NTAQ1: variants seen among roughly 807,000 people sequenced by gnomAD.
NTAQ1 encodes the protein protein N-terminal glutamine amidohydrolase.
In NTAQ1, 21 loss-of-function variants were observed where a neutral mutation model predicts 28.2. The ratio of observed to expected loss-of-function variants is 0.74; its 90% CI spans 0.53 to 1.07. The LOEUF (loss-of-function observed/expected upper bound fraction) is 1.07, where lower values mean the gene tolerates loss of function less well. NTAQ1 is among the 50% of genes least tolerant of loss of function. The probability of loss-of-function intolerance (pLI) is 0.00; values close to 1 mark genes in which losing one functional copy is unlikely to be tolerated. For missense variants in NTAQ1, 264 were observed against 256.6 expected (o/e 1.03, Z -0.20); for synonymous variants, 105 against 90.0 (o/e 1.17, Z -0.94).
At chr8:123,439,345 G>GT (rs34111480) in intron 5 of NTAQ1, among the ~76,000 whole-genome samples, 49,420 of 139,130 alleles carry the variant, frequency 0.36, 8,817 homozygotes, top group East Asian at 0.52. Flanking sequence ...CACCTGGCTA[G>GT]TTTTTTTTTT....
In NTAQ1 at chr8:123,416,844, C is replaced by T; in HGVS notation, c.-6C>T. On this transcript the variant is annotated 5_prime_UTR_variant, in exon 1 of 6. Transcript: ENST00000287387. ...CCGGCCCGGGCCCTGGCCCAGCTAG[C>T]CGGCCATGGAAGGTAATGGCCCCGC... 1 of 1,526,464 alleles carries T rather than the reference C, an allele frequency of 6.6e-7. No individual in the cohort carries two copies. Among genetic ancestry groups the T allele is most frequent in the South Asian group, 1.2e-5 (1 of 81,524 alleles). 94.6% of individuals were successfully genotyped at this position (1,526,464 alleles called of 1,614,324 possible).
At chr8:123,471,476 A>G, downstream of NTAQ1, among the ~76,000 whole-genome samples, 1 of 152,146 alleles carries the variant, frequency 6.6e-6, no homozygotes, top group East Asian at 1.9e-4. Flanking sequence ...TCACATGATT[A>G]TGGAGGCTGG....
At chr8:123,443,728 G>T (rs1047536372), downstream of NTAQ1, among the ~76,000 whole-genome samples, 1 of 152,032 alleles carries the variant, frequency 6.6e-6, no homozygotes, top group African/African-American at 2.4e-5. Context: ...GCGTGCCACA[G>T]TGCCCAGCTA....
intron 6 of NTAQ1, among the ~76,000 whole-genome samples, chr8:123,447,263 A>G (rs1160678470): frequency 6.6e-6 from 1 of 152,166 alleles, no homozygotes; most frequent in Non-Finnish European, 1.5e-5. Flanking sequence ...ATGCACATAC[A>G]ACTAAAGAGC....
At chr8:123,449,565 T>G (rs991938759), downstream of NTAQ1, among the ~76,000 whole-genome samples, 4 of 152,238 alleles carry the variant, frequency 2.6e-5, no homozygotes, top group Admixed American at 2.6e-4. Context: ...CAGTGAGTCC[T>G]GCGCTCATGG....
chr8:123,473,030 A>T (rs1563910918), downstream of NTAQ1, among the ~76,000 whole-genome samples: 1 of 152,088 alleles, frequency 6.6e-6, no homozygotes, highest in Non-Finnish European at 1.5e-5. Context: ...GGGTGAGGGG[A>T]TGGGAAGGTG....
chr8:123,469,354 C>A (rs1376301581), exon 7 of NTAQ1, among the ~76,000 whole-genome samples: 1 of 152,156 alleles, frequency 6.6e-6, no homozygotes, highest in Non-Finnish European at 1.5e-5. Context: ...TGAACTTTAA[C>A]ATCTTGGAAA....
At chr8:123,423,337 T>TTTTCCTTCCTTTCCCTCC (rs1173884776) in intron 1 of NTAQ1, among the ~76,000 whole-genome samples, 45 of 133,762 alleles carry the variant, frequency 3.4e-4, no homozygotes, top group Admixed American at 7.9e-4. Context: ...TTTGTCTTTC[T>TTTTCCTTCCTTTCCCTCC]TTTCCTTCCT....
chr8:123,442,571 G>A (rs13277931), downstream of NTAQ1, among the ~76,000 whole-genome samples: 53,280 of 146,624 alleles, frequency 0.36, 9,859 homozygotes, highest in East Asian at 0.56. Context: ...CTCCAGCCTG[G>A]GTGACAGAGC....
At chr8:123,467,748 T>C (rs1815990926) in exon 7 of NTAQ1, among the ~76,000 whole-genome samples, 1 of 152,192 alleles carries the variant, frequency 6.6e-6, no homozygotes, top group Non-Finnish European at 1.5e-5. Flanking sequence ...TATCTATTTT[T>C]ATTTTATTTG....
chr8:123,442,664 G>A (rs1333472232), downstream of NTAQ1, among the ~76,000 whole-genome samples: 1 of 150,722 alleles, frequency 6.6e-6, no homozygotes, highest in Non-Finnish European at 1.5e-5. Flanking sequence ...GGGTACAAAT[G>A]TAACCATTTA....
intron 1 of NTAQ1, 98 bp downstream of exon 1, chr8:123,417,030 C>G (rs1813340176): frequency 4.1e-6 from 5 of 1,216,936 alleles, no homozygotes; most frequent in Middle Eastern, 3.0e-4. Context: ...CGGGGGCGCT[C>G]CCGGCCTCTA....
At chr8:123,452,655 A>G (rs994054009), downstream of NTAQ1, among the ~76,000 whole-genome samples, 4 of 151,758 alleles carry the variant, frequency 2.6e-5, no homozygotes, top group East Asian at 7.7e-4. Flanking sequence ...TAATCCCAAC[A>G]CTTTGGGAGG....
At chr8:123,453,419 T>G (rs1815560640) in intron 6 of NTAQ1, among the ~76,000 whole-genome samples, 2 of 113,162 alleles carry the variant, frequency 1.8e-5, no homozygotes, top group South Asian at 7.1e-4. Context: ...GTGAAGTGTT[T>G]TGTTGCTTTT....
intron 3 of NTAQ1, among the ~76,000 whole-genome samples, chr8:123,430,782 A>G (rs1254282132): frequency 6.6e-6 from 1 of 152,212 alleles, no homozygotes; most frequent in African/African-American, 2.4e-5. Context: ...CCCTGTCTCA[A>G]TAAATAAATA....
At chr8:123,434,432 G>T (rs1814579961) in intron 3 of NTAQ1, among the ~76,000 whole-genome samples, 1 of 152,108 alleles carries the variant, frequency 6.6e-6, no homozygotes. Context: ...TTCGAGACCA[G>T]CCTGGTCAAC....
chr8:123,457,993 C>G (rs961827657), intron 6 of NTAQ1, among the ~76,000 whole-genome samples: 4 of 142,534 alleles, frequency 2.8e-5, no homozygotes, highest in Admixed American at 2.2e-4. Flanking sequence ...AAGATCATGC[C>G]ACTGCACTCC....
At chr8:123,432,776 G>A (rs34669660) in intron 3 of NTAQ1, among the ~76,000 whole-genome samples, 54,743 of 151,242 alleles carry the variant, frequency 0.36, 10,021 homozygotes, top group East Asian at 0.56. Context: ...GACCCCCAAG[G>A]TTTAAGCAAT....
At chr8:123,436,302 T>C in intron 3 of NTAQ1, 151 bp from the exon 4 acceptor site, 1 of 593,758 alleles carries the variant, frequency 1.7e-6, no homozygotes, top group Non-Finnish European at 2.8e-6. Context: ...TTTCATGTTT[T>C]CAGGGTGTTG....
Sources: gnomAD v4.1 joint callset for allele counts (sites outside exome capture counted in the v4.1 genomes callset) on GRCh38, gnomAD v4.1.1 for gene constraint, MANE v1.5 for transcripts, NCBI Gene and HGNC (gene_info 2026-07-23, HGNC 2026-07-21) for gene names.